The following UGT1A7 variants were observed in gnomAD, a reference collection of about 807,000 sequenced individuals.
The protein encoded by UGT1A7 is UDP-glucuronosyltransferase 1A7.
In UGT1A7, 33 loss-of-function variants were observed where a neutral mutation model predicts 45.6. The ratio of observed to expected loss-of-function variants is 0.72; its 90% CI spans 0.55 to 0.97. UGT1A7 has a LOEUF of 0.97. Among genes scored for constraint, UGT1A7 ranks in the 50% least tolerant of loss-of-function variants. UGT1A7 has a pLI of 0.00. For synonymous variants in UGT1A7, 274 were observed against 250.6 expected (o/e 1.09, Z -0.88); for missense variants, 684 against 666.2 (o/e 1.03, Z -0.29).
intron 1 of UGT1A7, among the ~76,000 whole-genome samples, chr2:233,742,284 C>A (rs1006206335): frequency 1.3e-5 from 2 of 151,974 alleles, no homozygotes; most frequent in Non-Finnish European, 2.9e-5. Context: ...AGCATCATTT[C>A]TATAGATTAT....
At chr2:233,716,682 A>G (rs1247523316) in intron 1 of UGT1A7, among the ~76,000 whole-genome samples, 2 of 152,204 alleles carry the variant, frequency 1.3e-5, no homozygotes, top group Non-Finnish European at 2.9e-5. Context: ...CCCAAGATAT[A>G]GTTTCTACAT....
chr2:233,742,980 A>C (rs890471778), intron 1 of UGT1A7: 2 of 228,494 alleles, frequency 8.8e-6, no homozygotes, highest in African/African-American at 4.7e-5. Flanking sequence ...CTTAAGTTTA[A>C]TAAATAGCAA....
intron 1 of UGT1A7, chr2:233,719,435 G>A (rs2076765581): frequency 6.2e-7 from 1 of 1,613,916 alleles, no homozygotes; most frequent in East Asian, 2.2e-5. Flanking sequence ...CAGACCACAT[G>A]ACATTCCTGC....
intron 1 of UGT1A7, among the ~76,000 whole-genome samples, chr2:233,744,598 C>G (rs1055879945): frequency 2.0e-5 from 3 of 151,878 alleles, no homozygotes; most frequent in East Asian, 3.8e-4. Context: ...TTGCATCTCT[C>G]TTTAGTACTT....
At chr2:233,771,270 C>A (rs1244273988) in intron 4 of UGT1A7, 1 of 150,946 alleles carries the variant, frequency 6.6e-6, no homozygotes, top group African/African-American at 2.4e-5. Context: ...CTTTTTTTTT[C>A]TTTCTTCTCC....
intron 1 of UGT1A7, among the ~76,000 whole-genome samples, chr2:233,707,757 T>A (rs1165246358): frequency 2.6e-5 from 4 of 152,186 alleles, no homozygotes; most frequent in African/African-American, 9.7e-5. Flanking sequence ...CTGAAACACA[T>A]GTGAGTGGGT....
intron 1 of UGT1A7, chr2:233,743,003 T>C (rs1559386473): frequency 4.2e-6 from 1 of 238,432 alleles, no homozygotes; most frequent in Non-Finnish European, 8.3e-6. Context: ...TGCATACAGA[T>C]ATTTTACAAC....
At position 233,772,696 on chromosome 2, in the gene UGT1A7, TA is replaced by T. The variant is rs1170923656; in HGVS notation, c.*143del. On this transcript the variant is annotated 3_prime_UTR_variant, in exon 5 of 5. Transcript: ENST00000373426. Reference sequence around the variant, plus strand: ...TAAATTAATCAGCCCCAGAGTGCTTTAAAAAATTCTCTTAAATAAAAATAAT... The same window carrying T: ...TAAATTAATCAGCCCCAGAGTGCTTTAAAAATTCTCTTAAATAAAAATAAT... 2 of 1,482,484 alleles carry T rather than the reference TA, an allele frequency of 1.3e-6. No homozygotes were observed. The highest frequency in any genetic ancestry group is 1.8e-6 in the Non-Finnish European group (2 of 1,123,730). 91.8% of individuals were successfully genotyped at this position (1,482,484 alleles called of 1,614,324 possible).
Position 233,729,252 on chromosome 2 carries a change from C to T in UGT1A7, c.856-37782C>T, listed in dbSNP as rs1553613077. ...TGCCCATTGATGGCAGCCACTGGCT[C>T]AGCATGCGGGAGGTCTTGCGGGAGC... On this transcript the variant is annotated intron_variant, in intron 1 of 4. Coordinates refer to ENST00000373426, the MANE Select transcript of UGT1A7 (RefSeq NM_019077.3). 65 of 1,614,244 alleles carry T rather than the reference C, an allele frequency of 4.0e-5. 3 individuals carry two copies. The South Asian group carries it at 6.7e-4, about 17-fold the overall frequency.
chr2:233,717,911 C>T, intron 1 of UGT1A7: 1 of 454,770 alleles, frequency 2.2e-6, no homozygotes, highest in South Asian at 1.6e-5. Flanking sequence ...AAATAAAGGC[C>T]TGGATGAATG....
chr2:233,688,171 A>G (rs910523847), intron 1 of UGT1A7, among the ~76,000 whole-genome samples: 4 of 152,186 alleles, frequency 2.6e-5, no homozygotes, highest in African/African-American at 7.2e-5. Context: ...CATTTCATGG[A>G]AATGGAAGCC....
chr2:233,726,610 C>T (rs1191468440), intron 1 of UGT1A7, among the ~76,000 whole-genome samples: 1 of 152,148 alleles, frequency 6.6e-6, no homozygotes, highest in Non-Finnish European at 1.5e-5. Context: ...TTACACTGTC[C>T]TGCCCAGATA....
intron 1 of UGT1A7, chr2:233,693,715 C>T: frequency 6.2e-7 from 1 of 1,614,182 alleles, no homozygotes; most frequent in Non-Finnish European, 8.5e-7. Context: ...CAGCTGTCCT[C>T]AAGAGAGATG....
intron 1 of UGT1A7, among the ~76,000 whole-genome samples, chr2:233,709,500 C>T (rs558289619): frequency 6.6e-6 from 1 of 152,232 alleles, no homozygotes; most frequent in Non-Finnish European, 1.5e-5. Context: ...AAGTCTCTGC[C>T]TCTTGCTCTC....
chr2:233,709,930 C>G (rs919576895), intron 1 of UGT1A7, among the ~76,000 whole-genome samples: 1 of 151,902 alleles, frequency 6.6e-6, no homozygotes, highest in African/African-American at 2.4e-5. Context: ...CCTTAGGCAA[C>G]CCTGGATGGT....
At chr2:233,697,288 T>G (rs929797712) in intron 1 of UGT1A7, among the ~76,000 whole-genome samples, 1 of 152,166 alleles carries the variant, frequency 6.6e-6, no homozygotes, top group African/African-American at 2.4e-5. Context: ...TTTCTATTTC[T>G]TCTTCATTCA....
At chr2:233,745,609 C>A (rs1421404648) in intron 1 of UGT1A7, among the ~76,000 whole-genome samples, 2 of 151,524 alleles carry the variant, frequency 1.3e-5, no homozygotes, top group Admixed American at 6.6e-5. Context: ...ACTTGGTAAG[C>A]ACACAATGAA....
At chr2:233,768,071 G>T in intron 3 of UGT1A7, 135 bp downstream of exon 3, 1 of 1,595,002 alleles carries the variant, frequency 6.3e-7, no homozygotes, top group Non-Finnish European at 8.6e-7. Flanking sequence ...TTTATCTAGT[G>T]GGGTATCTCA....
In UGT1A7 at chr2:233,696,102, C is replaced by T. The variant is rs1474928596; in HGVS notation, c.855+13310C>T. On this transcript the variant is annotated intron_variant, in intron 1 of 4. Coordinates refer to ENST00000373426, the MANE Select transcript of UGT1A7 (RefSeq NM_019077.3). ...AGTATGGAGAGTCTTCAAAACAAAACAAAACAAAAAGAACTAGAACTGCCC... is the reference window on the plus strand; with the variant it reads ...AGTATGGAGAGTCTTCAAAACAAAATAAAACAAAAAGAACTAGAACTGCCC... Among the ~76,000 whole-genome samples, 3 of 152,080 alleles carry T rather than the reference C, an allele frequency of 2.0e-5. No individual in the cohort carries two copies. The East Asian group carries it at 5.8e-4, about 29-fold the overall frequency.
Sources: gnomAD v4.1 joint callset for allele counts (sites outside exome capture counted in the v4.1 genomes callset) on GRCh38, gnomAD v4.1.1 for gene constraint, MANE v1.5 for transcripts, NCBI Gene and HGNC (gene_info 2026-07-23, HGNC 2026-07-21) for gene names.